Variants in ADAMTS12 observed in about 807,000 individuals in gnomAD.
ADAMTS12 encodes the protein A disintegrin and metalloproteinase with thrombospondin motifs 12.
A neutral mutation model predicts 167.8 loss-of-function variants in ADAMTS12; 118 were observed. The observed-to-expected ratio is 0.70, with a 90% CI of 0.61 to 0.82. ADAMTS12 has a LOEUF of 0.82. Among genes scored for constraint, ADAMTS12 ranks in the 40% least tolerant of loss-of-function variants. The pLI is 0.00. For missense variants in ADAMTS12, 1,916 were observed against 1,998.8 expected (o/e 0.96, Z 0.79); for synonymous variants, 704 against 716.9 (o/e 0.98, Z 0.29).
At chr5:33,714,080 C>T (rs1284962158) in intron 3 of ADAMTS12, among the ~76,000 whole-genome samples, 1 of 152,076 alleles carries the variant, frequency 6.6e-6, no homozygotes, top group African/African-American at 2.4e-5. Context: ...TAGAGTCTTT[C>T]AGGAGTTGGT....
At chr5:33,809,785 C>T (rs1747381207) in intron 2 of ADAMTS12, among the ~76,000 whole-genome samples, 1 of 151,836 alleles carries the variant, frequency 6.6e-6, no homozygotes, top group Non-Finnish European at 1.5e-5. Context: ...CAGGGTCAGG[C>T]TCACTGGGAA....
chr5:33,588,709 G>C lies in ADAMTS12; in HGVS notation c.2755C>G (p.Gln919Glu). ...TGGCAGTCTGTGGGCGGGAGAGCCTGCTCGTCAGAGACCATGGTCTGGATG... is the reference window on the plus strand; with the variant it reads ...TGGCAGTCTGTGGGCGGGAGAGCCTCCTCGTCAGAGACCATGGTCTGGATG... ...LCIQTMVSDE[Q>E]ALPPTDCQHL... Residue 919 changes from glutamine (Q) to glutamate (E), a missense_variant, in exon 18 of 24, where the codon CAG (glutamine) becomes GAG (glutamate). Gln to Glu is a conservative substitution (Grantham distance 29). Coordinates refer to ENST00000504830, the MANE Select transcript of ADAMTS12 (RefSeq NM_030955.4). 1 of 1,614,148 alleles carries C rather than the reference G, an allele frequency of 6.2e-7. No individual in the cohort carries two copies. Among genetic ancestry groups the C allele is most frequent in the Non-Finnish European group, 8.5e-7 (1 of 1,180,012 alleles).
At chr5:33,627,180 G>A (rs2112133726) in intron 13 of ADAMTS12, among the ~76,000 whole-genome samples, 1 of 149,192 alleles carries the variant, frequency 6.7e-6, no homozygotes, top group South Asian at 2.2e-4. Flanking sequence ...TGGAGGTAGT[G>A]ATGAGGTGGT....
At chr5:33,665,890 T>C (rs1016803421) in intron 5 of ADAMTS12, among the ~76,000 whole-genome samples, 1 of 152,206 alleles carries the variant, frequency 6.6e-6, no homozygotes, top group Non-Finnish European at 1.5e-5. Flanking sequence ...AAAATGGGTC[T>C]AGAGGCAGGT....
chr5:33,729,297 GGAAGTCATGCAAA>G lies in ADAMTS12; in HGVS notation c.634+22094_634+22106del, dbSNP rs1346297988. Among the ~76,000 whole-genome samples the G allele has an allele frequency of 7.9e-5, 12 of 152,308 alleles. 1 individual carries two copies. The South Asian group carries it at 1.7e-3, about 21-fold the overall frequency. ...GGATAAGCTTTTATAGAGTGAATGT[GGAAGTCATGCAAA>G]GAAAATATTTGATTGGTTACAGGTA... On this transcript the variant is annotated intron_variant, in intron 3 of 23. Coordinates refer to ENST00000504830, the MANE Select transcript of ADAMTS12 (RefSeq NM_030955.4).
At chr5:33,849,197 AATAT>A (rs745640228) in intron 2 of ADAMTS12, among the ~76,000 whole-genome samples, 1 of 64,444 alleles carries the variant, frequency 1.6e-5, no homozygotes, top group African/African-American at 9.0e-5. Flanking sequence ...ATTGCATAGC[AATAT>A]ATATATATGT....
chr5:33,547,151 G>T (rs1328596901), intron 21 of ADAMTS12, among the ~76,000 whole-genome samples: 1 of 152,146 alleles, frequency 6.6e-6, no homozygotes, highest in African/African-American at 2.4e-5. Flanking sequence ...TTCCACATCT[G>T]GAGTTCTTGT....
At chr5:33,545,780 A>G (rs1379014541) in intron 22 of ADAMTS12, among the ~76,000 whole-genome samples, 2 of 138,064 alleles carry the variant, frequency 1.4e-5, no homozygotes, top group African/African-American at 2.7e-5. Context: ...CAAACACTGC[A>G]TGTTCTCACT....
chr5:33,626,274 G>C (rs942304112), intron 13 of ADAMTS12, among the ~76,000 whole-genome samples: 2 of 151,478 alleles, frequency 1.3e-5, no homozygotes, highest in Non-Finnish European at 2.9e-5. Flanking sequence ...GTAGTGGTGG[G>C]GGTGGTGGTG....
At chr5:33,734,281 T>C (rs1375147302) in intron 3 of ADAMTS12, among the ~76,000 whole-genome samples, 1 of 152,232 alleles carries the variant, frequency 6.6e-6, no homozygotes, top group Non-Finnish European at 1.5e-5. Context: ...CTTCTGGTTC[T>C]TTGGAACAAA....
Position 33,738,515 on chromosome 5 carries a change from T to TGGCTTTC in ADAMTS12, c.634+12882_634+12888dup, listed in dbSNP as rs575788810. Among the ~76,000 whole-genome samples, 82 of 152,280 alleles carry TGGCTTTC rather than the reference T, an allele frequency of 5.4e-4. 2 individuals carry two copies. The South Asian group carries it at 0.017, about 31-fold the overall frequency. ...AGCCCCATGAAGAGCTAATGAGAAA[T>TGGCTTTC]GGCTTTCGGCTTTCACCTCTCATGT... On this transcript the variant is annotated intron_variant, in intron 3 of 23. Coordinates refer to ENST00000504830, the MANE Select transcript of ADAMTS12 (RefSeq NM_030955.4).
intron 2 of ADAMTS12, among the ~76,000 whole-genome samples, chr5:33,828,670 T>G (rs1228196423): frequency 1.3e-5 from 2 of 152,160 alleles, no homozygotes; most frequent in African/African-American, 2.4e-5. Flanking sequence ...CCCTCTAGTT[T>G]TATTTTTCTC....
chr5:33,587,208 C>A (rs1243511023), intron 18 of ADAMTS12, among the ~76,000 whole-genome samples: 1 of 152,182 alleles, frequency 6.6e-6, no homozygotes, highest in Non-Finnish European at 1.5e-5. Context: ...AAATAGGTAT[C>A]TTCAGAGATG....
At chr5:33,890,011 C>T (rs1410556499) in intron 1 of ADAMTS12, among the ~76,000 whole-genome samples, 1 of 152,132 alleles carries the variant, frequency 6.6e-6, no homozygotes, top group East Asian at 1.9e-4. Context: ...CACCAATAAG[C>T]TTGGAGCACT....
intron 3 of ADAMTS12, among the ~76,000 whole-genome samples, chr5:33,740,830 G>C (rs865870993): frequency 1.3e-5 from 2 of 152,350 alleles, no homozygotes; most frequent in African/African-American, 4.8e-5. Context: ...AAGTGACAGA[G>C]AACCCAACTC....
At chr5:33,624,049 C>T (rs1321907573) in intron 14 of ADAMTS12, among the ~76,000 whole-genome samples, 182 bp downstream of exon 14, 2 of 152,194 alleles carry the variant, frequency 1.3e-5, no homozygotes, top group African/African-American at 2.4e-5. Flanking sequence ...GCAATCAACC[C>T]GTTTCCTACA....
At chr5:33,749,517 T>G (rs913165494) in intron 3 of ADAMTS12, among the ~76,000 whole-genome samples, 72 of 152,238 alleles carry the variant, frequency 4.7e-4, no homozygotes, top group African/African-American at 1.7e-3. Context: ...AGAGAGTGTC[T>G]TTTTTGTGAA....
At chr5:33,758,008 C>T (rs868031140) in intron 2 of ADAMTS12, among the ~76,000 whole-genome samples, 1 of 152,196 alleles carries the variant, frequency 6.6e-6, no homozygotes, top group African/African-American at 2.4e-5. Flanking sequence ...CTGAAGCCTA[C>T]GCCTCAGTTT....
In ADAMTS12 at chr5:33,891,769, G is replaced by T. The variant is rs765641736; in HGVS notation, c.88C>A (p.Pro30Thr). The T allele has an allele frequency of 5.0e-5, 81 of 1,614,232 alleles. No individual in the cohort carries two copies. The highest frequency in any genetic ancestry group is 6.9e-5 in the Non-Finnish European group (81 of 1,180,034). Residue 30 changes from proline to threonine, a missense_variant, in exon 1 of 24, where the codon CCT (proline) becomes ACT (threonine). Physicochemically the swap from Pro to Thr is conservative, Grantham distance 38 (BLOSUM62 -1). Coordinates refer to ENST00000504830, the MANE Select transcript of ADAMTS12 (RefSeq NM_030955.4). ...NFGALCYGRQPQPGPVRFPDR... is the reference protein window; with the variant it reads ...NFGALCYGRQTQPGPVRFPDR... ...GGGAAGCGAACCGGGCCTGGCTGAG[G>T]CTGTCTCCCATAGCAAAGCGCCCCA...
Sources: gnomAD v4.1 joint callset for allele counts (sites outside exome capture counted in the v4.1 genomes callset) on GRCh38, gnomAD v4.1.1 for gene constraint, MANE v1.5 for transcripts, NCBI Gene and HGNC (gene_info 2026-07-23, HGNC 2026-07-21) for gene names.